The following PLAAT3 variants were observed in gnomAD, a reference collection of about 807,000 sequenced individuals.
PLAAT3 encodes Ca-independent phospholipase A1/2.
Under a neutral mutation model 16.7 loss-of-function variants are expected in PLAAT3, and 21 were observed. The ratio of observed to expected loss-of-function variants is 1.26; its 90% CI spans 0.89 to 1.81. The LOEUF (loss-of-function observed/expected upper bound fraction) is 1.81. PLAAT3 is among the 40% of genes most tolerant of loss of function. The pLI, the probability that PLAAT3 is intolerant of heterozygous loss-of-function variation, is 0.00. For missense variants in PLAAT3, 219 were observed against 213.7 expected (o/e 1.02, Z -0.16); for synonymous variants, 76 against 81.7 (o/e 0.93, Z 0.38).
Position 63,574,466 on chromosome 11 carries a change from T to G in PLAAT3, c.*479A>C. 6.6e-6 allele frequency: 1 copy of G among 152,012 alleles called. No homozygotes were observed. Among genetic ancestry groups the G allele is most frequent in the East Asian group, 1.9e-4 (1 of 5,176 alleles). The allele number at this position is 152,012 out of a possible 1,614,324, so 9.4% of individuals were successfully genotyped here. On this transcript the variant is annotated 3_prime_UTR_variant, in exon 5 of 5. Coordinates refer to ENST00000415826, the MANE Select transcript of PLAAT3 (RefSeq NM_001128203.2). ...AAATTTCCTTATAGCCGAGGACTTT[T>G]TTTTTTTCAACTCAGCTGAACATCT...
intron 3 of PLAAT3, among the ~76,000 whole-genome samples, chr11:63,596,779 G>A (rs1322509847): frequency 6.6e-6 from 1 of 152,060 alleles, no homozygotes; most frequent in Non-Finnish European, 1.5e-5. Context: ...TAATGAGTGA[G>A]TTCTCACAAG....
intron 4 of PLAAT3, among the ~76,000 whole-genome samples, chr11:63,583,405 T>C (rs527619557): frequency 6.6e-6 from 1 of 152,218 alleles, no homozygotes; most frequent in Non-Finnish European, 1.5e-5. Flanking sequence ...TAGTTCTTTA[T>C]AGAACCTCAT....
At chr11:63,578,449 C>T (rs1201306409) in intron 4 of PLAAT3, among the ~76,000 whole-genome samples, 2 of 152,100 alleles carry the variant, frequency 1.3e-5, no homozygotes, top group Non-Finnish European at 2.9e-5. Flanking sequence ...GATCAGGAAT[C>T]AGGATGGCTT....
At chr11:63,606,597 A>G (rs1354660989) in intron 2 of PLAAT3, among the ~76,000 whole-genome samples, 1 of 152,176 alleles carries the variant, frequency 6.6e-6, no homozygotes, top group Non-Finnish European at 1.5e-5. Flanking sequence ...TAGGAATTAG[A>G]GAGTCAGGGA....
In PLAAT3 at chr11:63,591,084, T is replaced by A. The variant is rs79019531; in HGVS notation, c.119-716A>T. On this transcript the variant is annotated intron_variant, in intron 3 of 4. Coordinates refer to ENST00000415826, the MANE Select transcript of PLAAT3 (RefSeq NM_001128203.2). ...AGAGGCAGGCACTGAGTATGATGAT[T>A]GAAAAAGTGGGGATGGGCTGGGCAC... Among the ~76,000 whole-genome samples, 91 of 152,178 alleles carry A rather than the reference T, an allele frequency of 6.0e-4. 1 individual carries two copies. Among genetic ancestry groups the A allele is most frequent in the East Asian group, 5.8e-3 (30 of 5,170 alleles).
At chr11:63,584,281 T>C (rs571758761) in intron 4 of PLAAT3, among the ~76,000 whole-genome samples, 2 of 150,900 alleles carry the variant, frequency 1.3e-5, no homozygotes, top group Non-Finnish European at 3.0e-5. Context: ...GAGTATAGCT[T>C]CTGGTTGCTT....
intron 2 of PLAAT3, among the ~76,000 whole-genome samples, chr11:63,611,937 G>A (rs1331004718): frequency 2.0e-5 from 3 of 152,150 alleles, no homozygotes; most frequent in Non-Finnish European, 2.9e-5. Flanking sequence ...TCAGGGGTTC[G>A]AGACCAACCT....
chr11:63,610,743 A>T (rs564449391), intron 2 of PLAAT3, among the ~76,000 whole-genome samples: 2 of 152,278 alleles, frequency 1.3e-5, no homozygotes, highest in African/African-American at 4.8e-5. Context: ...TCCTCATATT[A>T]TGGAGCCTCA....
intron 4 of PLAAT3, 81 bp downstream of exon 4, chr11:63,590,019 G>T: frequency 7.7e-7 from 1 of 1,296,030 alleles, no homozygotes. Context: ...TCTTGTTCAT[G>T]CCTCCATAGC....
rs1371985047 is a variant in PLAAT3 at position 63,614,030 on chromosome 11, G to A, written c.-16C>T. On this transcript the variant is annotated 5_prime_UTR_variant, in exon 2 of 5. Coordinates refer to ENST00000415826, the MANE Select transcript of PLAAT3 (RefSeq NM_001128203.2). Reference sequence around the variant, plus strand: ...GCGCACGCATCTTCCCTCGCGGTGTGGACCCTCAAGGCCAGGCTCGATTTC... The same window carrying A: ...GCGCACGCATCTTCCCTCGCGGTGTAGACCCTCAAGGCCAGGCTCGATTTC... The A allele has an allele frequency of 6.2e-7, 1 of 1,612,754 alleles. No homozygotes were observed. The highest frequency in any genetic ancestry group is 1.3e-5 in the African/African-American group (1 of 75,012).
chr11:63,615,250 G>GTGTATATA (rs1565259986), upstream of PLAAT3, among the ~76,000 whole-genome samples: 1 of 95,024 alleles, frequency 1.1e-5, no homozygotes, highest in African/African-American at 3.6e-5. Context: ...GTATATATGT[G>GTGTATATA]TGTGTATATA....
chr11:63,609,153 C>T (rs546927294), intron 2 of PLAAT3, among the ~76,000 whole-genome samples: 25 of 152,284 alleles, frequency 1.6e-4, no homozygotes, highest in South Asian at 1.5e-3. Flanking sequence ...TTCTCCATGT[C>T]CCAAAACCAC....
chr11:63,585,476 C>T (rs1011744504), intron 4 of PLAAT3, among the ~76,000 whole-genome samples: 3 of 152,092 alleles, frequency 2.0e-5, no homozygotes, highest in South Asian at 2.1e-4. Context: ...CTACTGGTAT[C>T]TAGTGTGTAG....
chr11:63,610,905 G>A (rs932184083), intron 2 of PLAAT3, among the ~76,000 whole-genome samples: 4 of 152,002 alleles, frequency 2.6e-5, no homozygotes, highest in African/African-American at 9.7e-5. Flanking sequence ...ATCACAGCAG[G>A]AGGCATCACA....
intron 2 of PLAAT3, among the ~76,000 whole-genome samples, chr11:63,607,657 G>C (rs937735242): frequency 6.6e-6 from 1 of 151,894 alleles, no homozygotes; most frequent in Non-Finnish European, 1.5e-5. Flanking sequence ...TTTAAACCCA[G>C]ATCTAAGGAC....
At chr11:63,598,891 T>A (rs1791731550) in intron 2 of PLAAT3, among the ~76,000 whole-genome samples, 1 of 152,102 alleles carries the variant, frequency 6.6e-6, no homozygotes, top group African/African-American at 2.4e-5. Flanking sequence ...TGCATGAGTG[T>A]GAGACTACGT....
intron 2 of PLAAT3, chr11:63,598,804 A>G (rs1031440372): frequency 2.1e-6 from 1 of 483,334 alleles, no homozygotes; most frequent in East Asian, 6.1e-5. Flanking sequence ...AGTCTCCAGC[A>G]GTAATGTCCC....
intron 3 of PLAAT3, among the ~76,000 whole-genome samples, chr11:63,593,819 A>T (rs1047101427): frequency 6.6e-6 from 1 of 152,096 alleles, no homozygotes; most frequent in Non-Finnish European, 1.5e-5. Context: ...ATCTCAGGTG[A>T]TTCACCCACC....
At chr11:63,603,755 GACA>G (rs57856298) in intron 2 of PLAAT3, among the ~76,000 whole-genome samples, 2,597 of 39,780 alleles carry the variant, frequency 0.065, 90 homozygotes, top group African/African-American at 0.24. Flanking sequence ...CACACACACA[GACA>G]GAGATATTAG....
Sources: gnomAD v4.1 joint callset for allele counts (sites outside exome capture counted in the v4.1 genomes callset) on GRCh38, gnomAD v4.1.1 for gene constraint, MANE v1.5 for transcripts, NCBI Gene and HGNC (gene_info 2026-07-23, HGNC 2026-07-21) for gene names.